PRKN: variants seen among roughly 807,000 people sequenced by gnomAD.
The protein encoded by PRKN is parkin RBR E3 ubiquitin protein ligase, also known as E3 ubiquitin-protein ligase parkin.
PRKN carries 56 observed loss-of-function variants against 59.5 expected under a neutral mutation model. That is an observed-to-expected ratio of 0.94 (90% CI 0.76 to 1.18). The LOEUF (loss-of-function observed/expected upper bound fraction) is 1.18, where lower values mean the gene tolerates loss of function less well. Among genes scored for constraint, PRKN ranks in the 50% most tolerant of loss-of-function variants. PRKN has a pLI of 0.00. For synonymous variants in PRKN, 250 were observed against 222.1 expected (o/e 1.13, Z -1.12); for missense variants, 657 against 596.4 (o/e 1.10, Z -1.06).
chr6:162,373,555 G>A (rs1217588152), intron 2 of PRKN, among the ~76,000 whole-genome samples: 1 of 152,008 alleles, frequency 6.6e-6, no homozygotes, highest in East Asian at 1.9e-4. Context: ...TTGACTGAGT[G>A]AATTAGGAAT....
In PRKN at chr6:162,021,055, A is replaced by T. The variant is rs188482024; in HGVS notation, c.618+33036T>A. Among the ~76,000 whole-genome samples the T allele has an allele frequency of 2.8e-3, 408 of 146,730 alleles. 2 individuals carry two copies. Among genetic ancestry groups the T allele is most frequent in the African/African-American group, 9.7e-3 (386 of 39,850 alleles). ...GAGGTGGAAGTTGCAGTGAGTCGAG[A>T]TCATACCACTGCACTCCAGCCTGGG... is the stretch of plus-strand genomic sequence containing the variant. On this transcript the variant is annotated intron_variant, in intron 5 of 11. Coordinates refer to ENST00000366898, the MANE Select transcript of PRKN (RefSeq NM_004562.3).
At chr6:161,650,545 A>T (rs2281404) in intron 7 of PRKN, among the ~76,000 whole-genome samples, 76,021 of 152,098 alleles carry the variant, frequency 0.5, 21,936 homozygotes, top group African/African-American at 0.81. Flanking sequence ...GAGAGAAGAC[A>T]AACAGAGACA....
chr6:162,125,378 C>G (rs1201098162), intron 4 of PRKN, among the ~76,000 whole-genome samples: 2 of 152,176 alleles, frequency 1.3e-5, no homozygotes, highest in East Asian at 3.9e-4. Flanking sequence ...GAGTTCTTCA[C>G]TGGCGCAGAA....
chr6:161,627,620 G>A (rs555488449), intron 7 of PRKN, among the ~76,000 whole-genome samples: 3 of 152,360 alleles, frequency 2.0e-5, no homozygotes, highest in African/African-American at 4.8e-5. Context: ...ACCAAAAGAC[G>A]TGCTGCTCTT....
intron 7 of PRKN, among the ~76,000 whole-genome samples, chr6:161,642,647 T>A (rs1339037924): frequency 6.6e-6 from 1 of 152,082 alleles, no homozygotes; most frequent in Non-Finnish European, 1.5e-5. Flanking sequence ...ACATACTAAG[T>A]ACCCACAAAA....
intron 6 of PRKN, among the ~76,000 whole-genome samples, chr6:161,907,721 G>A (rs1197400421): frequency 2.6e-5 from 4 of 152,170 alleles, no homozygotes; most frequent in African/African-American, 9.7e-5. Context: ...TGCTGAGATC[G>A]AAAGGACCAA....
chr6:162,472,102 C>T (rs1020557443), intron 1 of PRKN, among the ~76,000 whole-genome samples: 1 of 152,158 alleles, frequency 6.6e-6, no homozygotes, highest in Non-Finnish European at 1.5e-5. Context: ...AACAGGAAAA[C>T]TCTAGGAAGA....
chr6:162,723,528 A>G (rs941227991), intron 1 of PRKN, among the ~76,000 whole-genome samples: 5 of 152,310 alleles, frequency 3.3e-5, no homozygotes, highest in African/African-American at 1.2e-4. Flanking sequence ...AGTCAGTCTC[A>G]GGAAGGACGT....
At chr6:162,060,733 T>G (rs975857284) in intron 4 of PRKN, among the ~76,000 whole-genome samples, 6 of 152,248 alleles carry the variant, frequency 3.9e-5, no homozygotes, top group African/African-American at 1.2e-4. Context: ...TATGTGAGTA[T>G]ATGCATTGAT....
chr6:162,655,322 A>C (rs1778604864), intron 1 of PRKN, among the ~76,000 whole-genome samples: 1 of 152,148 alleles, frequency 6.6e-6, no homozygotes, highest in Non-Finnish European at 1.5e-5. Context: ...TTGATTCGTA[A>C]TTGTATTCCA....
At chr6:162,287,652 T>TTTTCA (rs1342331826) in intron 2 of PRKN, among the ~76,000 whole-genome samples, 1 of 152,200 alleles carries the variant, frequency 6.6e-6, no homozygotes. Context: ...ATTCCCATCA[T>TTTTCA]TTTCATCATT....
intron 2 of PRKN, among the ~76,000 whole-genome samples, chr6:162,380,338 C>T (rs886786584): frequency 6.7e-6 from 1 of 150,294 alleles, no homozygotes; most frequent in Non-Finnish European, 1.5e-5. Flanking sequence ...TCATAGAGAA[C>T]AGCAAGTATT....
chr6:161,795,584 C>T (rs931989948), intron 6 of PRKN, among the ~76,000 whole-genome samples: 6 of 152,074 alleles, frequency 3.9e-5, no homozygotes, highest in African/African-American at 1.4e-4. Flanking sequence ...GTCTCTCCAA[C>T]TCAAATTCAA....
intron 9 of PRKN, among the ~76,000 whole-genome samples, chr6:161,424,881 G>C (rs1788261207): frequency 6.6e-6 from 1 of 152,156 alleles, no homozygotes; most frequent in South Asian, 2.1e-4. Flanking sequence ...AATTCTAAGA[G>C]ACAGCAGCCA....
chr6:161,792,150 A>T (rs1790664974), intron 6 of PRKN, among the ~76,000 whole-genome samples: 2 of 152,218 alleles, frequency 1.3e-5, no homozygotes, highest in Admixed American at 1.3e-4. Flanking sequence ...TACCCTGAGC[A>T]AGAACTATCC....
At chr6:162,254,597 CTTAGAATAAGAGCT>C (rs1779570866) in intron 3 of PRKN, among the ~76,000 whole-genome samples, 1 of 152,158 alleles carries the variant, frequency 6.6e-6, no homozygotes, top group Non-Finnish European at 1.5e-5. Context: ...TTCCTGCTCA[CTTAGAATAAGAGCT>C]GTGTTTGCAT....
rs1801582 is a variant in PRKN at position 161,386,823 on chromosome 6, C to A, written c.1138G>T (p.Val380Leu). ...EAYHEGECSA[V>L]FEASGTTTQA... ...GTAGTTGTTCCTGAGGCTTCAAATA[C>A]GGCACTGCACTCCCCTTCATGGTAC... The change falls in exon 10 of 12, where the codon GTA becomes TTA. Residue 380 changes from valine to leucine, a missense_variant. Val to Leu is a conservative substitution (Grantham distance 32). Transcript: ENST00000366898. This position sits in a 1 kb window ranked among gnomAD's most constrained non-coding sequence, Gnocchi z 4.3. The A allele has an allele frequency of 6.2e-7, 1 of 1,613,658 alleles. No homozygotes were observed. The highest frequency in any genetic ancestry group is 8.5e-7 in the Non-Finnish European group (1 of 1,179,722).
chr6:161,784,790 A>G (rs1790347332), intron 7 of PRKN, among the ~76,000 whole-genome samples: 1 of 152,254 alleles, frequency 6.6e-6, no homozygotes, highest in Non-Finnish European at 1.5e-5. Context: ...AAATGTTCAT[A>G]CAGAAACTTA....
intron 2 of PRKN, among the ~76,000 whole-genome samples, chr6:162,391,528 C>T (rs1408590987): frequency 7.9e-5 from 12 of 151,382 alleles, no homozygotes; most frequent in Admixed American, 1.3e-4. Context: ...ACGTGGATTT[C>T]GAAAATCTGC....
Sources: allele counts gnomAD v4.1 joint callset (sites outside exome capture counted in the v4.1 genomes callset), GRCh38; gene constraint gnomAD v4.1.1; non-coding constraint Gnocchi (gnomAD v3.1); transcripts MANE v1.5; gene names NCBI Gene and HGNC (gene_info 2026-07-23, HGNC 2026-07-21).